The following CNBD1 variants were observed in gnomAD, a reference collection of about 807,000 sequenced individuals.
CNBD1 encodes cyclic nucleotide binding domain containing 1.
CNBD1 carries 71 observed loss-of-function variants against 54.4 expected under a neutral mutation model. The ratio of observed to expected loss-of-function variants is 1.30; its 90% CI spans 1.08 to 1.59. CNBD1 has a LOEUF of 1.59. Among genes scored for constraint, CNBD1 ranks in the 40% most tolerant of loss-of-function variants. The pLI is 0.00. For missense variants in CNBD1, 659 were observed against 518.0 expected (o/e 1.27, Z -2.64); for synonymous variants, 182 against 170.7 (o/e 1.07, Z -0.51).
intron 6 of CNBD1, among the ~76,000 whole-genome samples, chr8:87,278,418 G>A (rs17704228): frequency 0.077 from 11,641 of 151,402 alleles, 645 homozygotes; most frequent in Non-Finnish European, 0.12. Flanking sequence ...GTAGTTAAAA[G>A]TCAAAGTAGA....
At position 87,426,459 on chromosome 8, in the gene CNBD1, C is replaced by A. The variant is rs554467926; in HGVS notation, c.214-2087C>A. On this transcript the variant is annotated intron_variant, in intron 2 of 7. Coordinates refer to the CNBD1 transcript ENST00000521593. ...TTATTATGACAAAATGATGTTCCTA[C>A]AGTTTCACAACCATAAAATTGAGAG... 2.0e-5 allele frequency among the ~76,000 whole-genome samples: 3 copies of A among 152,292 alleles called. No individual in the cohort carries two copies. The South Asian group carries it at 6.2e-4, about 32-fold the overall frequency.
chr8:86,998,639 A>G (rs1291998979), intron 4 of CNBD1, among the ~76,000 whole-genome samples: 1 of 152,222 alleles, frequency 6.6e-6, no homozygotes, highest in Non-Finnish European at 1.5e-5. Context: ...AGGTGAATTC[A>G]TGAATACAGA....
At chr8:87,194,375 A>G in intron 4 of CNBD1, among the ~76,000 whole-genome samples, 1 of 152,218 alleles carries the variant, frequency 6.6e-6, no homozygotes, top group East Asian at 1.9e-4. Context: ...GTCTAAAGTG[A>G]ACATTTTAAT....
At chr8:87,090,094 T>G (rs890406590) in intron 4 of CNBD1, among the ~76,000 whole-genome samples, 2 of 152,182 alleles carry the variant, frequency 1.3e-5, no homozygotes, top group Non-Finnish European at 2.9e-5. Flanking sequence ...CTATTTCACT[T>G]AATTGCTGTT....
chr8:87,380,020 G>A (rs1367968909), intron 10 of CNBD1, among the ~76,000 whole-genome samples: 1 of 151,662 alleles, frequency 6.6e-6, no homozygotes, highest in East Asian at 1.9e-4. Flanking sequence ...GTGCCACTTG[G>A]GAGGTTTTAG....
At chr8:87,072,310 G>A (rs1810775141) in intron 4 of CNBD1, among the ~76,000 whole-genome samples, 1 of 152,074 alleles carries the variant, frequency 6.6e-6, no homozygotes, top group Non-Finnish European at 1.5e-5. Context: ...TACATATAAA[G>A]TAAGTATTAT....
At chr8:87,370,928 T>C (rs995140583) in intron 10 of CNBD1, among the ~76,000 whole-genome samples, 7 of 151,250 alleles carry the variant, frequency 4.6e-5, no homozygotes, top group African/African-American at 1.7e-4. Flanking sequence ...AGGGATCCAG[T>C]TTCAGCTTTC....
intron 6 of CNBD1, among the ~76,000 whole-genome samples, chr8:87,238,670 A>G (rs1807631094): frequency 6.6e-6 from 1 of 151,848 alleles, no homozygotes; most frequent in South Asian, 2.1e-4. Flanking sequence ...TCTCTCTATC[A>G]TGTATGTATC....
chr8:87,268,453 T>A (rs1808304384), intron 6 of CNBD1, among the ~76,000 whole-genome samples: 1 of 152,106 alleles, frequency 6.6e-6, no homozygotes, highest in African/African-American at 2.4e-5. Flanking sequence ...TTTATTTTCC[T>A]TTGGGTATAT....
At chr8:87,188,820 C>CTTT (rs33963727) in intron 4 of CNBD1, among the ~76,000 whole-genome samples, 4 of 128,604 alleles carry the variant, frequency 3.1e-5, no homozygotes, top group African/African-American at 1.2e-4. Context: ...AGTAAAGCGT[C>CTTT]TTTTTTTTTT....
chr8:87,057,759 G>A (rs1182558524), intron 4 of CNBD1, among the ~76,000 whole-genome samples: 1 of 152,102 alleles, frequency 6.6e-6, no homozygotes, highest in African/African-American at 2.4e-5. Flanking sequence ...TGAGGCAGGA[G>A]AATCACTTGA....
At chr8:87,199,107 T>TA (rs1196244750) in intron 4 of CNBD1, among the ~76,000 whole-genome samples, 2 of 152,130 alleles carry the variant, frequency 1.3e-5, no homozygotes, top group African/African-American at 4.8e-5. Flanking sequence ...CCCAAGCCAT[T>TA]TGTGAGGAAT....
At chr8:87,323,401 G>C (rs1194359828) in intron 8 of CNBD1, among the ~76,000 whole-genome samples, 2 of 139,876 alleles carry the variant, frequency 1.4e-5, no homozygotes, top group Non-Finnish European at 3.1e-5. Context: ...TGGGCAGTAC[G>C]GCCATTTTCA....
chr8:87,388,790 C>A (rs892179994), intron 2 of CNBD1, among the ~76,000 whole-genome samples: 2 of 152,112 alleles, frequency 1.3e-5, no homozygotes, highest in East Asian at 3.8e-4. Flanking sequence ...CGGGCAGAGA[C>A]ACAACAAAAA....
At chr8:87,067,427 G>A (rs16896815) in intron 4 of CNBD1, among the ~76,000 whole-genome samples, 2 of 151,724 alleles carry the variant, frequency 1.3e-5, no homozygotes, top group East Asian at 1.9e-4. Context: ...TGTTGCTACC[G>A]GGAAGCATTT....
chr8:87,339,379 G>A (rs1015615094), intron 8 of CNBD1, among the ~76,000 whole-genome samples: 5 of 151,962 alleles, frequency 3.3e-5, no homozygotes, highest in African/African-American at 7.3e-5. Context: ...CTACGCTCGC[G>A]TCATTTCCCA....
intron 4 of CNBD1, among the ~76,000 whole-genome samples, chr8:87,194,073 C>A (rs963965311): frequency 6.6e-6 from 1 of 152,020 alleles, no homozygotes; most frequent in Non-Finnish European, 1.5e-5. Context: ...GGAGCATGAG[C>A]CTTATTGTGA....
rs958381607 is a variant in CNBD1, at chr8:87,409,794, G to A, written c.214-18752G>A. Among the ~76,000 whole-genome samples, 18 of 152,008 alleles carry A rather than the reference G, an allele frequency of 1.2e-4. No individual in the cohort carries two copies. The South Asian group carries it at 1.2e-3, about 10-fold the overall frequency. On this transcript the variant is annotated intron_variant, in intron 2 of 7. Transcript: ENST00000521593. ...TCCTAGCACTTTGGGAGGCTGAAGC[G>A]GGAGGATTGCCAGATCTCAGGAATT...
At chr8:87,061,506 A>T (rs1019680326) in intron 4 of CNBD1, among the ~76,000 whole-genome samples, 1 of 152,180 alleles carries the variant, frequency 6.6e-6, no homozygotes, top group African/African-American at 2.4e-5. Context: ...TGGCTTTCAT[A>T]TGCATTTACA....
Sources: gnomAD v4.1 joint callset for allele counts (sites outside exome capture counted in the v4.1 genomes callset) on GRCh38, gnomAD v4.1.1 for gene constraint, MANE v1.5 for transcripts, NCBI Gene and HGNC (gene_info 2026-07-23, HGNC 2026-07-21) for gene names.